NLRP1: variants seen among roughly 807,000 people sequenced by gnomAD.
NLRP1 encodes NACHT, LRR and PYD domains-containing protein 1.
Under a neutral mutation model 136.7 loss-of-function variants are expected in NLRP1, and 94 were observed. The observed-to-expected ratio is 0.69, with a 90% CI of 0.58 to 0.82. The LOEUF is 0.82. Among genes scored for constraint, NLRP1 ranks in the 40% least tolerant of loss-of-function variants. The pLI is 0.00. For missense variants in NLRP1, 1,575 were observed against 1,802.7 expected (o/e 0.87, Z 2.29); for synonymous variants, 690 against 725.1 (o/e 0.95, Z 0.78).
At chr17:5,505,246 T>A (rs1284041102) in intron 15 of NLRP1, 1 of 152,464 alleles carries the variant, frequency 6.6e-6, no homozygotes, top group Non-Finnish European at 1.5e-5. Context: ...TCTAGCCCAA[T>A]GCAGGGTCAG....
intron 12 of NLRP1, chr17:5,529,955 G>A (rs753934513): frequency 3.7e-5 from 17 of 455,998 alleles, no homozygotes; most frequent in African/African-American, 3.4e-4. Context: ...GTCTTTGGAG[G>A]TGACATAAAA....
intron 3 of NLRP1, among the ~76,000 whole-genome samples, chr17:5,569,485 C>G (rs1416212943): frequency 6.6e-6 from 1 of 152,012 alleles, no homozygotes; most frequent in Non-Finnish European, 1.5e-5. Context: ...TAATTTCACA[C>G]AAAACAGACT....
intron 3 of NLRP1, among the ~76,000 whole-genome samples, chr17:5,567,165 C>T (rs1345352212): frequency 1.3e-5 from 2 of 151,878 alleles, no homozygotes; most frequent in African/African-American, 2.4e-5. Context: ...ATTTACATTA[C>T]TTATTATTGA....
At chr17:5,545,974 T>C (rs1912611720) in intron 5 of NLRP1, among the ~76,000 whole-genome samples, 4 of 152,220 alleles carry the variant, frequency 2.6e-5, no homozygotes. Flanking sequence ...AGCTGTGCTG[T>C]GTGGACTTCC....
intron 3 of NLRP1, among the ~76,000 whole-genome samples, chr17:5,571,118 T>C (rs929517996): frequency 6.6e-6 from 1 of 152,088 alleles, no homozygotes. Context: ...CTCAAAATAA[T>C]AAGGGCCATT....
downstream of NLRP1, among the ~76,000 whole-genome samples, chr17:5,509,454 G>A (rs1040165200): frequency 2.0e-5 from 3 of 152,180 alleles, no homozygotes; most frequent in Non-Finnish European, 4.4e-5. Flanking sequence ...GCCTCTATCG[G>A]ATTCTAGCAC....
At chr17:5,551,676 C>T (rs1913375357) in intron 5 of NLRP1, among the ~76,000 whole-genome samples, 1 of 152,188 alleles carries the variant, frequency 6.6e-6, no homozygotes, top group Non-Finnish European at 1.5e-5. Context: ...TTTTCCACAT[C>T]CTCGTCAGCA....
At position 5,530,462 on chromosome 17, in the gene NLRP1, A is replaced by G. The variant is rs772437803; in HGVS notation, c.3520+19T>C. ...CATAATTACCACCACCTTCCTCCCT[A>G]TCCTTCCCTGTTGTTTACCTTGGAG... On this transcript the variant is annotated intron_variant, in intron 12 of 16. Coordinates refer to ENST00000572272, the MANE Select transcript of NLRP1 (RefSeq NM_033004.4). 10 of 1,602,438 alleles carry G rather than the reference A, an allele frequency of 6.2e-6. No individual in the cohort carries two copies. The highest frequency in any genetic ancestry group is 1.7e-5 in the Admixed American group (1 of 59,976).
In NLRP1 at chr17:5,521,738, T is replaced by A; in HGVS notation, c.3569A>T (p.Glu1190Val). The stretch of plus-strand genomic sequence containing the variant: ...GGCTGGCTTCTCCAGGAGCATCCCC[T>A]CCTCTTTAAAGTGGGCCATTTGGAA... Reference protein sequence around the residue: ...SLFQMAHFKEEGMLLEKPARV... With the variant: ...SLFQMAHFKEVGMLLEKPARV... Residue 1190 changes from glutamate to valine, a missense_variant, in exon 13 of 17, where the codon GAG (glutamate) becomes GTG (valine). Physicochemically the swap from Glu to Val is moderately radical, Grantham distance 121 (BLOSUM62 -2). Transcript: ENST00000572272. 1 of 1,612,946 alleles carries A rather than the reference T, an allele frequency of 6.2e-7. No individual in the cohort carries two copies.
At chr17:5,556,129 C>G (rs1236889059) in intron 4 of NLRP1, among the ~76,000 whole-genome samples, 5 of 142,016 alleles carry the variant, frequency 3.5e-5, no homozygotes, top group African/African-American at 1.1e-4. Flanking sequence ...CACACACACA[C>G]ACACACACAC....
intron 3 of NLRP1, among the ~76,000 whole-genome samples, chr17:5,567,096 G>A (rs115923409): frequency 0.017 from 2,534 of 152,036 alleles, 57 homozygotes; most frequent in African/African-American, 0.058. Context: ...ACAGATCATT[G>A]GTTCTTGTTT....
At chr17:5,521,425 C>G (rs1008746963) in intron 13 of NLRP1, 99 bp downstream of exon 13, 14 of 1,288,298 alleles carry the variant, frequency 1.1e-5, no homozygotes, top group Admixed American at 4.2e-5. Context: ...AGAGGCCCAT[C>G]CTTGGTCCCA....
At position 5,573,740 on chromosome 17, in the gene NLRP1, C is replaced by T. The variant is rs369349344; in HGVS notation, c.652+8119G>A. Among the ~76,000 whole-genome samples the T allele has an allele frequency of 1.7e-3, 257 of 152,328 alleles. 1 individual carries two copies. Among genetic ancestry groups the T allele is most frequent in the South Asian group, 0.017 (81 of 4,824 alleles). ...TGGACCTCCAGCAAACTCCAACAGA[C>T]CTGCAGCTGAGGGTCCTGACTGTTA... is the stretch of plus-strand genomic sequence containing the variant. On this transcript the variant is annotated intron_variant, in intron 3 of 16. Transcript: ENST00000572272.
At position 5,517,759 on chromosome 17, in the gene NLRP1, G is replaced by T; in HGVS notation, c.4044C>A (p.Ala1348=). The T allele has an allele frequency of 6.2e-7, 1 of 1,614,142 alleles. No individual in the cohort carries two copies. Among genetic ancestry groups the T allele is most frequent in the Non-Finnish European group, 8.5e-7 (1 of 1,180,028 alleles). ...DKKDETLVWE[A]LVKPGDLMPA... ...TCCTGGATTTACCTGGTTTCACCAA[G>T]GCCTCCCACACCAGAGTCTCATCTT... The change falls in exon 15 of 17, where the codon GCC becomes GCA. Residue 1348 remains alanine (A), a synonymous_variant. Transcript: ENST00000572272.
chr17:5,538,139 CCT>C (rs1422747268), intron 7 of NLRP1, among the ~76,000 whole-genome samples: 1 of 152,196 alleles, frequency 6.6e-6, no homozygotes, highest in African/African-American at 2.4e-5. Flanking sequence ...GTTTGGAGCC[CCT>C]GTCTGCTCCC....
At chr17:5,501,790 G>A (rs1419934170) in exon 16 of NLRP1, 2 of 1,606,920 alleles carry the variant, frequency 1.2e-6, no homozygotes, top group South Asian at 1.1e-5. Flanking sequence ...TGGCTTCATT[G>A]GTACTGCCGC....
At chr17:5,538,539 C>A (rs1163058495) in intron 7 of NLRP1, among the ~76,000 whole-genome samples, 1 of 152,178 alleles carries the variant, frequency 6.6e-6, no homozygotes, top group African/African-American at 2.4e-5. Context: ...ATATTACATT[C>A]TCATAATACC....
intron 3 of NLRP1, among the ~76,000 whole-genome samples, chr17:5,574,218 C>T (rs889075866): frequency 6.6e-6 from 1 of 151,780 alleles, no homozygotes; most frequent in Non-Finnish European, 1.5e-5. Context: ...TGATTGAAGA[C>T]CAAATGAATG....
At chr17:5,573,030 C>T (rs1204859051) in intron 3 of NLRP1, among the ~76,000 whole-genome samples, 1 of 152,172 alleles carries the variant, frequency 6.6e-6, no homozygotes, top group African/African-American at 2.4e-5. Flanking sequence ...ATTGCCTCAC[C>T]TGGGAAGTGC....
Sources: gnomAD v4.1 joint callset for allele counts (sites outside exome capture counted in the v4.1 genomes callset) on GRCh38, gnomAD v4.1.1 for gene constraint, MANE v1.5 for transcripts, NCBI Gene and HGNC (gene_info 2026-07-23, HGNC 2026-07-21) for gene names.